NOXRED1: variants seen among roughly 807,000 people sequenced by gnomAD.
NOXRED1 encodes NADP dependent oxidoreductase domain containing 1, also known as NADP-dependent oxidoreductase domain-containing protein 1.
Under a neutral mutation model 30.4 loss-of-function variants are expected in NOXRED1, and 20 were observed. That is an observed-to-expected ratio of 0.66 (90% CI 0.46 to 0.96). NOXRED1 has a LOEUF of 0.96. NOXRED1 is among the 40% of genes least tolerant of loss of function. The pLI is 0.00. For missense variants in NOXRED1, 374 were observed against 428.0 expected, an observed-to-expected ratio of 0.87 and a Z score of 1.11; for synonymous variants, 155 against 168.0, an observed-to-expected ratio of 0.92 and a Z score of 0.60.
chr14:77,416,354 C>T (rs1894819496), intron 1 of NOXRED1, among the ~76,000 whole-genome samples: 1 of 152,138 alleles, frequency 6.6e-6, no homozygotes, highest in Admixed American at 6.6e-5. Flanking sequence ...TTGCGGCCTT[C>T]CACAGTGTTT....
At chr14:77,408,616 C>T (rs1428355621) in intron 2 of NOXRED1, among the ~76,000 whole-genome samples, 2 of 152,090 alleles carry the variant, frequency 1.3e-5, no homozygotes, top group African/African-American at 4.8e-5. Context: ...GTAACCCCCA[C>T]AAGGACCTTA....
chr14:77,416,616 A>C lies in NOXRED1; in HGVS notation c.156-2489T>G, dbSNP rs562531778. On this transcript the variant is annotated intron_variant, in intron 1 of 5. Transcript: ENST00000380835. Reference sequence around the variant, plus strand: ...CATGTCTACCTCTTTCTACACAGACACGGCAACCATCCGATTTCTCAATCT... The same window carrying C: ...CATGTCTACCTCTTTCTACACAGACCCGGCAACCATCCGATTTCTCAATCT... Among the ~76,000 whole-genome samples, 10 of 152,368 alleles carry C rather than the reference A, an allele frequency of 6.6e-5. No individual in the cohort carries two copies. The South Asian group carries it at 8.3e-4, about 13-fold the overall frequency.
upstream of NOXRED1, among the ~76,000 whole-genome samples, chr14:77,424,664 A>T (rs1320387386): frequency 6.6e-6 from 1 of 152,222 alleles, no homozygotes; most frequent in Non-Finnish European, 1.5e-5. Flanking sequence ...AATGCAGCAT[A>T]CAAGTTGTAC....
chr14:77,394,842 G>C (rs1361016723), intron 5 of NOXRED1, 37 bp from the exon 6 acceptor site: 1 of 1,487,882 alleles, frequency 6.7e-7, no homozygotes, highest in Non-Finnish European at 9.3e-7. Context: ...TTTTATGTCT[G>C]TTCAGTATAT....
chr14:77,396,248 CT>C (rs35292349), intron 5 of NOXRED1, among the ~76,000 whole-genome samples: 3,542 of 131,048 alleles, frequency 0.027, 72 homozygotes, highest in African/African-American at 0.086. Context: ...TCCAAGGAAT[CT>C]TTTTTTTTTT....
intron 1 of NOXRED1, among the ~76,000 whole-genome samples, chr14:77,418,630 A>C (rs1894899832): frequency 6.6e-6 from 1 of 151,960 alleles, no homozygotes; most frequent in Non-Finnish European, 1.5e-5. Context: ...TCCAGGCTCA[A>C]GCAATCCTCC....
intron 2 of NOXRED1, 152 bp downstream of exon 2, chr14:77,413,782 A>G: frequency 2.1e-6 from 1 of 476,016 alleles, no homozygotes; most frequent in Non-Finnish European, 3.7e-6. Context: ...ACAGGAGAAA[A>G]GGCCATGCTT....
At chr14:77,420,528 T>TA (rs942392898) in intron 1 of NOXRED1, among the ~76,000 whole-genome samples, 6 of 151,994 alleles carry the variant, frequency 3.9e-5, no homozygotes. Flanking sequence ...AATTACAAAT[T>TA]ACAGGCCTGT....
At chr14:77,415,364 G>T in intron 1 of NOXRED1, among the ~76,000 whole-genome samples, 1 of 152,112 alleles carries the variant, frequency 6.6e-6, no homozygotes, top group African/African-American at 2.4e-5. Flanking sequence ...GAGGTCAAAA[G>T]TTTAAGACCA....
At chr14:77,422,331 C>T (rs554929097) in intron 1 of NOXRED1, among the ~76,000 whole-genome samples, 54 of 152,274 alleles carry the variant, frequency 3.5e-4, no homozygotes, top group Admixed American at 6.5e-4. Context: ...CGGGTAGCTT[C>T]CTGTAAGGGA....
At chr14:77,414,576 T>G (rs1412841165) in intron 1 of NOXRED1, among the ~76,000 whole-genome samples, 1 of 152,228 alleles carries the variant, frequency 6.6e-6, no homozygotes, top group Non-Finnish European at 1.5e-5. Flanking sequence ...ATTTCAACTG[T>G]GTGTCATTTA....
At chr14:77,416,477 T>C (rs927349152) in intron 1 of NOXRED1, among the ~76,000 whole-genome samples, 1 of 152,144 alleles carries the variant, frequency 6.6e-6, no homozygotes, top group Non-Finnish European at 1.5e-5. Flanking sequence ...CATTCAACCC[T>C]GAGTGGATAC....
At chr14:77,424,700 T>C (rs1895080531), upstream of NOXRED1, among the ~76,000 whole-genome samples, 1 of 152,220 alleles carries the variant, frequency 6.6e-6, no homozygotes. Flanking sequence ...GCCTATCCTT[T>C]ACTTATGCAT....
chr14:77,412,548 C>T (rs176771), intron 2 of NOXRED1, among the ~76,000 whole-genome samples: 118,227 of 152,118 alleles, frequency 0.78, 46,302 homozygotes, highest in East Asian at 0.98. Flanking sequence ...AGTCTTACTC[C>T]GTTGCTGAGG....
At chr14:77,420,031 T>C (rs560992069) in intron 1 of NOXRED1, among the ~76,000 whole-genome samples, 2 of 152,320 alleles carry the variant, frequency 1.3e-5, no homozygotes, top group Non-Finnish European at 2.9e-5. Flanking sequence ...TGGGATGTTT[T>C]TGGCCATTAT....
intron 2 of NOXRED1, among the ~76,000 whole-genome samples, chr14:77,408,892 A>ATTTTTTTTTTTATTTTTTTTTTTTT (rs1894557005): frequency 1.5e-5 from 1 of 68,154 alleles, no homozygotes; most frequent in African/African-American, 5.1e-5. Flanking sequence ...CTGGTAGTTA[A>ATTTTTTTTTTTATTTTTTTTTTTTT]TTTTTTTTTT....
intron 1 of NOXRED1, among the ~76,000 whole-genome samples, chr14:77,415,899 AGAGAT>A (rs1894808726): frequency 6.6e-6 from 1 of 152,124 alleles, no homozygotes; most frequent in South Asian, 2.1e-4. Context: ...TATTTTTAGT[AGAGAT>A]GAGGTTCTCC....
chr14:77,406,801 C>CA lies in NOXRED1; in HGVS notation c.604dup (p.Trp202LeufsTer5), dbSNP rs1566708876. The CA allele has an allele frequency of 1.2e-6, 2 of 1,613,930 alleles. No individual in the cohort carries two copies. Among genetic ancestry groups the CA allele is most frequent in the African/African-American group, 2.7e-5 (2 of 74,918 alleles). On this transcript the variant is annotated frameshift_variant, in exon 4 of 6. Transcript: ENST00000380835. LOFTEE classifies it high-confidence loss of function. Reference sequence around the variant, plus strand: ...AGCTATGACTCCCTTATTGGCCCCCCAGACGCTGACAGAATCTTCATCATA... The same window carrying CA: ...AGCTATGACTCCCTTATTGGCCCCCCAAGACGCTGACAGAATCTTCATCATA...
In NOXRED1 at chr14:77,422,896, G is replaced by A; in HGVS notation, c.-7C>T. 1 of 1,609,538 alleles carries A rather than the reference G, an allele frequency of 6.2e-7. No homozygotes were observed. Reference sequence around the variant, plus strand: ...GGTCCTGGAGCATGTCCATTTCCAAGCCACTATTTCCTGCAGTGATAGACA... The same window carrying A: ...GGTCCTGGAGCATGTCCATTTCCAAACCACTATTTCCTGCAGTGATAGACA... On this transcript the variant is annotated 5_prime_UTR_variant, in exon 1 of 6. Coordinates refer to ENST00000380835, the MANE Select transcript of NOXRED1 (RefSeq NM_001113475.3).
Sources: gnomAD v4.1 joint callset for allele counts (sites outside exome capture counted in the v4.1 genomes callset) on GRCh38, gnomAD v4.1.1 for gene constraint, MANE v1.5 for transcripts, NCBI Gene and HGNC (gene_info 2026-07-23, HGNC 2026-07-21) for gene names.